Variants in OSBPL1A observed in about 807,000 individuals in gnomAD.
OSBPL1A encodes the protein oxysterol-binding protein-related protein 1.
In OSBPL1A, 80 loss-of-function variants were observed where a neutral mutation model predicts 137.1. The ratio of observed to expected loss-of-function variants is 0.58; its 90% CI spans 0.49 to 0.70. The LOEUF (loss-of-function observed/expected upper bound fraction) is 0.70. OSBPL1A is among the 30% of genes least tolerant of loss of function. The pLI, the probability that OSBPL1A is intolerant of heterozygous loss-of-function variation, is 0.00. For synonymous variants in OSBPL1A, 365 were observed against 389.7 expected, an observed-to-expected ratio of 0.94 and a Z score of 0.75; for missense variants, 970 against 1,129.4, an observed-to-expected ratio of 0.86 and a Z score of 2.02.
At chr18:24,282,641 T>A (rs145927902) in intron 14 of OSBPL1A, among the ~76,000 whole-genome samples, 124 of 152,326 alleles carry the variant, frequency 8.1e-4, no homozygotes, top group African/African-American at 2.9e-3. Context: ...TATGTCCAGA[T>A]TAATGCAAAA....
At chr18:24,204,143 T>C (rs945717760) in intron 17 of OSBPL1A, among the ~76,000 whole-genome samples, 1 of 152,228 alleles carries the variant, frequency 6.6e-6, no homozygotes, top group Non-Finnish European at 1.5e-5. Context: ...TTTTAACAAT[T>C]TCGTATCTCA....
intron 5 of OSBPL1A, 121 bp downstream of exon 5, chr18:24,341,426 T>A: frequency 3.0e-6 from 2 of 665,612 alleles, no homozygotes; most frequent in Non-Finnish European, 5.3e-6. Context: ...AAGATGACAT[T>A]ATCATTAGAG....
Position 24,164,359 on chromosome 18 carries a change from A to T in OSBPL1A, c.2750+706T>A, listed in dbSNP as rs28446032. On this transcript the variant is annotated intron_variant, in intron 27 of 27. Transcript: ENST00000319481. ...AAGGATGCAAAAAAAGCAAGCTCATACACTCGTAGTGAAAATATAAATTAG... is the reference window on the plus strand; with the variant it reads ...AAGGATGCAAAAAAAGCAAGCTCATTCACTCGTAGTGAAAATATAAATTAG... Among the ~76,000 whole-genome samples, 423 of 151,748 alleles carry T rather than the reference A, an allele frequency of 2.8e-3. 1 individual carries two copies. The highest frequency in any genetic ancestry group is 9.9e-3 in the African/African-American group (411 of 41,352).
At chr18:24,267,831 G>A (rs539315990) in intron 15 of OSBPL1A, among the ~76,000 whole-genome samples, 9 of 149,792 alleles carry the variant, frequency 6.0e-5, no homozygotes, top group Admixed American at 5.3e-4. Flanking sequence ...ATCATTAGAA[G>A]TTAGAGGTAT....
chr18:24,303,756 T>C, intron 13 of OSBPL1A, 38 bp from the exon 14 acceptor site: 3 of 1,521,206 alleles, frequency 2.0e-6, no homozygotes, highest in Non-Finnish European at 2.7e-6. Flanking sequence ...AACAAAGTAA[T>C]AAAAGATTTT....
intron 4 of OSBPL1A, among the ~76,000 whole-genome samples, chr18:24,354,385 C>G (rs1568048079): frequency 1.3e-5 from 2 of 151,986 alleles, no homozygotes; most frequent in Non-Finnish European, 2.9e-5. Context: ...CTGAGGCACA[C>G]AAGGCAGGCC....
chr18:24,189,826 G>A (rs2086841354), intron 18 of OSBPL1A, among the ~76,000 whole-genome samples: 2 of 152,304 alleles, frequency 1.3e-5, no homozygotes, highest in Admixed American at 6.5e-5. Context: ...TGCTGCCCTC[G>A]TGCCTTCTGT....
chr18:24,334,789 G>T (rs920783254), intron 5 of OSBPL1A, among the ~76,000 whole-genome samples: 9 of 152,184 alleles, frequency 5.9e-5, no homozygotes, highest in Admixed American at 5.9e-4. Context: ...ATGTATGTAT[G>T]TATATATGTT....
intron 4 of OSBPL1A, among the ~76,000 whole-genome samples, chr18:24,348,214 A>G (rs143217138): frequency 0.017 from 2,661 of 152,286 alleles, 79 homozygotes; most frequent in African/African-American, 0.06. Context: ...AAGATAATAT[A>G]TTAGTTCTTT....
At chr18:24,213,202 C>T (rs2087595665) in intron 17 of OSBPL1A, among the ~76,000 whole-genome samples, 1 of 152,196 alleles carries the variant, frequency 6.6e-6, no homozygotes, top group East Asian at 1.9e-4. Context: ...AGCTCTAAGG[C>T]TAGTCATATA....
At chr18:24,287,703 C>T (rs2090091555) in intron 14 of OSBPL1A, among the ~76,000 whole-genome samples, 1 of 151,582 alleles carries the variant, frequency 6.6e-6, no homozygotes, top group African/African-American at 2.4e-5. Flanking sequence ...AACCAGGAGG[C>T]AGAGGTTGTA....
intron 15 of OSBPL1A, among the ~76,000 whole-genome samples, chr18:24,255,485 G>T (rs972349680): frequency 2.0e-5 from 3 of 152,106 alleles, no homozygotes; most frequent in Non-Finnish European, 4.4e-5. Context: ...TAAGATAAAT[G>T]CATAATTGAT....
intron 17 of OSBPL1A, among the ~76,000 whole-genome samples, chr18:24,217,911 G>A (rs1245754503): frequency 6.6e-6 from 1 of 151,278 alleles, no homozygotes; most frequent in Non-Finnish European, 1.5e-5. Context: ...AAATTCAGGA[G>A]TAAAAGAACA....
intron 17 of OSBPL1A, among the ~76,000 whole-genome samples, chr18:24,205,064 G>A (rs926502381): frequency 2.6e-5 from 4 of 152,166 alleles, no homozygotes; most frequent in Admixed American, 2.0e-4. Flanking sequence ...CTCCAGTTTA[G>A]ACTGTGTTAA....
chr18:24,235,200 G>GC (rs1308821384), intron 16 of OSBPL1A, among the ~76,000 whole-genome samples: 3 of 152,202 alleles, frequency 2.0e-5, no homozygotes, highest in Non-Finnish European at 2.9e-5. Context: ...GCAGGCCAAG[G>GC]CTGGAAGCAC....
chr18:24,322,100 A>C lies in OSBPL1A; in HGVS notation c.626-3291T>G, dbSNP rs1183653483. On this transcript the variant is annotated intron_variant, in intron 7 of 27. Coordinates refer to ENST00000319481, the MANE Select transcript of OSBPL1A (RefSeq NM_080597.4). ...GATCATTTTTAACATAGAGAGAAAT[A>C]TGTGACTTTTTTTTTTTTTTTTTTT... Among the ~76,000 whole-genome samples, 4 of 139,520 alleles carry C rather than the reference A, an allele frequency of 2.9e-5. No homozygotes were observed. In the South Asian group the frequency reaches 9.2e-4, roughly 32 times the overall value. 91.5% of individuals were successfully genotyped at this position (139,520 alleles called of 152,430 possible). A position where few individuals can be genotyped will look rare whatever the true frequency, so the allele number is the denominator to read the frequency against.
chr18:24,208,465 A>G (rs981821950), intron 17 of OSBPL1A, among the ~76,000 whole-genome samples: 2 of 152,208 alleles, frequency 1.3e-5, no homozygotes, highest in African/African-American at 4.8e-5. Flanking sequence ...TTTAACACTC[A>G]TCTCTCTACT....
intron 17 of OSBPL1A, among the ~76,000 whole-genome samples, chr18:24,220,058 G>A (rs2087837311): frequency 6.6e-6 from 1 of 152,162 alleles, no homozygotes; most frequent in Non-Finnish European, 1.5e-5. Flanking sequence ...GATGTCACAC[G>A]TAATGAGTGG....
At chr18:24,235,309 A>C (rs2088431104) in intron 16 of OSBPL1A, among the ~76,000 whole-genome samples, 1 of 152,180 alleles carries the variant, frequency 6.6e-6, no homozygotes, top group Admixed American at 6.5e-5. Context: ...GCACTGTTTT[A>C]AGTACATTAC....
Sources: gnomAD v4.1 joint callset for allele counts (sites outside exome capture counted in the v4.1 genomes callset) on GRCh38, gnomAD v4.1.1 for gene constraint, MANE v1.5 for transcripts, NCBI Gene and HGNC (gene_info 2026-07-23, HGNC 2026-07-21) for gene names.